PISD: variants seen among roughly 807,000 people sequenced by gnomAD.
PISD encodes phosphatidylserine decarboxylase proenzyme, mitochondrial.
Under a neutral mutation model 43.5 loss-of-function variants are expected in PISD, and 31 were observed. That is an observed-to-expected ratio of 0.71 (90% CI 0.54 to 0.96). The LOEUF (loss-of-function observed/expected upper bound fraction) is 0.96. Among genes scored for constraint, PISD ranks in the 40% least tolerant of loss-of-function variants. PISD has a pLI of 0.00. For synonymous variants in PISD, 259 were observed against 228.7 expected (o/e 1.13, Z -1.20); for missense variants, 523 against 548.4 (o/e 0.95, Z 0.46).
At chr22:31,625,814 A>T (rs759764933) in intron 3 of PISD, 22 of 1,600,074 alleles carry the variant, frequency 1.4e-5, no homozygotes, top group Non-Finnish European at 1.8e-5. Flanking sequence ...CTGACACATC[A>T]TGGGCCGGCG....
At chr22:31,626,181 T>G in intron 3 of PISD, 2 of 424,598 alleles carry the variant, frequency 4.7e-6, no homozygotes, top group East Asian at 7.6e-5. Flanking sequence ...GCTCATCCTC[T>G]TCCTCAGCTG....
intron 7 of PISD, 150 bp from the exon 8 acceptor site, chr22:31,619,986 GC>G: frequency 3.2e-6 from 2 of 620,132 alleles, no homozygotes; most frequent in Non-Finnish European, 5.7e-6. Context: ...GCATCTCAGG[GC>G]CAGGTGGGCC....
intron 3 of PISD, among the ~76,000 whole-genome samples, chr22:31,634,768 G>A (rs1413568828): frequency 1.4e-5 from 2 of 140,400 alleles, no homozygotes; most frequent in Non-Finnish European, 3.0e-5. Flanking sequence ...AACCTAGGAA[G>A]CAGAGGTTGC....
chr22:31,637,161 AAAAATATATATATATATATATATAT>A lies in PISD; in HGVS notation c.321+10915_321+10939del, dbSNP rs1436347652. On this transcript the variant is annotated intron_variant, in intron 3 of 7. Coordinates refer to ENST00000439502, the MANE Select transcript of PISD (RefSeq NM_001326411.2). ...AATAAATTAAAAAAAAAAAAAAAAAAAAAATATATATATATATATATATATATATATATATATATATATATAGAAA... is the reference window on the plus strand; with the variant it reads ...AATAAATTAAAAAAAAAAAAAAAAAAATATATATATATATATATATAGAAA... Among the ~76,000 whole-genome samples, 46 of 23,318 alleles carry A rather than the reference AAAAATATATATATATATATATATAT, an allele frequency of 2.0e-3. 2 individuals carry two copies. The highest frequency in any genetic ancestry group is 6.6e-3 in the South Asian group (4 of 604). 15.3% of individuals were successfully genotyped at this position (23,318 alleles called of 152,430 possible).
intron 3 of PISD, chr22:31,628,706 A>G (rs2073039905): frequency 4.4e-6 from 2 of 453,324 alleles, no homozygotes; most frequent in Non-Finnish European, 5.8e-6. Flanking sequence ...TGGTTTGTAC[A>G]TCTGGAAAAT....
chr22:31,625,645 G>A (rs1025396126), intron 3 of PISD: 26 of 1,310,294 alleles, frequency 2.0e-5, no homozygotes, highest in Non-Finnish European at 2.7e-5. Context: ...AGCCTCGGGG[G>A]CTGACCACCA....
At chr22:31,632,501 C>T (rs2073247424) in intron 3 of PISD, among the ~76,000 whole-genome samples, 1 of 152,184 alleles carries the variant, frequency 6.6e-6, no homozygotes, top group Non-Finnish European at 1.5e-5. Context: ...GGGCTACTGT[C>T]TGTGTGGAGT....
chr22:31,655,161 A>G (rs2074131934), intron 1 of PISD, among the ~76,000 whole-genome samples: 1 of 151,782 alleles, frequency 6.6e-6, no homozygotes, highest in Admixed American at 6.6e-5. Flanking sequence ...CCAATCAGGA[A>G]CACCCAATGC....
rs2073783796 is a variant in PISD, at chr22:31,643,096, C to T, written c.321+5005G>A. On this transcript the variant is annotated intron_variant, in intron 3 of 7. Transcript: ENST00000439502. The stretch of plus-strand genomic sequence containing the variant: ...CAGCCTGGGCAACAAGAGCAAAATG[C>T]CATCTCAAAAAAAAAAAAAAAAGAA... 2.9e-5 allele frequency among the ~76,000 whole-genome samples: 4 copies of T among 137,308 alleles called. No homozygotes were observed. The Admixed American group carries it at 3.0e-4, about 10-fold the overall frequency. 90.1% of individuals were successfully genotyped at this position (137,308 alleles called of 152,430 possible).
chr22:31,620,085 CA>C (rs2072429670), intron 7 of PISD, among the ~76,000 whole-genome samples: 5 of 152,248 alleles, frequency 3.3e-5, no homozygotes, highest in African/African-American at 1.2e-4. Context: ...CAGTGGTCTC[CA>C]TGCATGGTGC....
intron 3 of PISD, among the ~76,000 whole-genome samples, chr22:31,635,718 C>T (rs546725547): frequency 1.3e-5 from 2 of 152,316 alleles, no homozygotes; most frequent in South Asian, 2.1e-4. Context: ...TATGAGCCAC[C>T]GTTCCGCCCT....
intron 1 of PISD, among the ~76,000 whole-genome samples, chr22:31,656,261 T>C (rs1282413306): frequency 6.6e-6 from 1 of 152,076 alleles, no homozygotes; most frequent in African/African-American, 2.4e-5. Flanking sequence ...GGAGAATTGC[T>C]TGAACCCAGG....
chr22:31,662,045 G>T, intron 1 of PISD, 99 bp downstream of exon 1: 1 of 1,109,590 alleles, frequency 9.0e-7, no homozygotes, highest in Middle Eastern at 2.0e-4. Flanking sequence ...ACCCGAGCTC[G>T]CCTCAGAGCG....
At chr22:31,658,675 AAG>A (rs2074242476) in intron 1 of PISD, among the ~76,000 whole-genome samples, 1 of 151,534 alleles carries the variant, frequency 6.6e-6, no homozygotes, top group African/African-American at 2.4e-5. Flanking sequence ...TTAGCTTCCC[AAG>A]TAGCTGGGAC....
upstream of PISD, chr22:31,662,268 C>G: frequency 6.5e-7 from 1 of 1,528,510 alleles, no homozygotes; most frequent in Admixed American, 1.7e-5. Context: ...ACGCTTAAGG[C>G]GTCACGAGTC....
At chr22:31,654,214 C>A (rs1227850903) in intron 1 of PISD, among the ~76,000 whole-genome samples, 4 of 152,260 alleles carry the variant, frequency 2.6e-5, no homozygotes, top group African/African-American at 7.2e-5. Context: ...CACAGTTGAT[C>A]CTTCTCTCCT....
intron 3 of PISD, among the ~76,000 whole-genome samples, chr22:31,639,180 CTT>C (rs60020183): frequency 1.5e-4 from 20 of 133,438 alleles, no homozygotes; most frequent in Non-Finnish European, 1.3e-4. Context: ...TTTCCTTTTT[CTT>C]TTTTTTTTTT....
At chr22:31,645,147 C>T (rs1053452695) in intron 3 of PISD, among the ~76,000 whole-genome samples, 2 of 151,876 alleles carry the variant, frequency 1.3e-5, no homozygotes, top group Non-Finnish European at 2.9e-5. Flanking sequence ...AACTTTGTTT[C>T]ATGAAGAAAA....
rs113834145 is a variant in PISD at position 31,619,292 on chromosome 22, A to C, written c.*320T>G. ...AAAAACGACAACCGAGACCAACTGA[A>C]GGTTCGGTCAGGAATGCAGGCTCTT... On this transcript the variant is annotated 3_prime_UTR_variant, in exon 8 of 8. Coordinates refer to ENST00000439502, the MANE Select transcript of PISD (RefSeq NM_001326411.2). 557 of 358,930 alleles carry C rather than the reference A, an allele frequency of 1.6e-3. 3 individuals are homozygous for C. The highest frequency in any genetic ancestry group is 2.3e-3 in the Non-Finnish European group (437 of 186,044). 22.2% of individuals were successfully genotyped at this position (358,930 alleles called of 1,614,324 possible).
Sources: allele counts gnomAD v4.1 joint callset (sites outside exome capture counted in the v4.1 genomes callset), GRCh38; gene constraint gnomAD v4.1.1; transcripts MANE v1.5; gene names NCBI Gene and HGNC (gene_info 2026-07-23, HGNC 2026-07-21).